Variants in FAT2 observed in about 807,000 individuals in gnomAD.
FAT2 encodes protocadherin Fat 2.
Under a neutral mutation model 295.3 loss-of-function variants are expected in FAT2, and 150 were observed. The observed-to-expected ratio is 0.51, with a 90% CI of 0.44 to 0.58. The LOEUF (loss-of-function observed/expected upper bound fraction) is 0.58. FAT2 is among the 20% of genes least tolerant of loss of function. FAT2 has a pLI of 0.00. For synonymous variants in FAT2, 2,026 were observed against 2,150.3 expected (o/e 0.94, Z 1.60); for missense variants, 4,868 against 5,442.7 (o/e 0.89, Z 3.32).
intron 1 of FAT2, among the ~76,000 whole-genome samples, chr5:151,573,220 T>C (rs1040909499): frequency 6.6e-6 from 1 of 152,244 alleles, no homozygotes; most frequent in Non-Finnish European, 1.5e-5. Context: ...TCCCTACTTC[T>C]GCAGGTCGTT....
upstream of FAT2, among the ~76,000 whole-genome samples, chr5:151,592,144 T>C (rs1292918379): frequency 6.6e-6 from 1 of 152,240 alleles, no homozygotes; most frequent in South Asian, 2.1e-4. Context: ...GAGGTGCCTC[T>C]CTGTTCTGGC....
Position 151,545,541 on chromosome 5 carries a change from G to A in FAT2, c.5586C>T (p.Val1862=), listed in dbSNP as rs1470614301. 6.2e-7 allele frequency: 1 copy of A among 1,614,148 alleles called. No homozygotes were observed. The highest frequency in any genetic ancestry group is 1.1e-5 in the South Asian group (1 of 91,080). The change falls in exon 10 of 24, where the codon GTC becomes GTT. Residue 1862 remains valine (V), a synonymous_variant. Transcript: ENST00000261800. ...TGGGAGGGGAATCATTCACATCTCT[G>A]ACATGAATGATGACTTGGGCAGGTC... The part of the protein sequence containing the change: ...APRPAQVIIH[V]RDVNDSPPRF...
rs772630017 is a variant in FAT2, at chr5:151,563,645, G to T, written c.3260-6C>A. The T allele has an allele frequency of 1.2e-6, 2 of 1,609,448 alleles. No individual in the cohort carries two copies. Among genetic ancestry groups the T allele is most frequent in the Non-Finnish European group, 1.7e-6 (2 of 1,178,784 alleles). ...TGCCAGAGTCTGAATCATTCCTAGGGACAGTAAGTCAGCAAACCCAAAATA... is the reference window on the plus strand; with the variant it reads ...TGCCAGAGTCTGAATCATTCCTAGGTACAGTAAGTCAGCAAACCCAAAATA... On this transcript the variant is annotated splice_region_variant and splice_polypyrimidine_tract_variant and intron_variant, in intron 2 of 23. Coordinates refer to ENST00000261800, the MANE Select transcript of FAT2 (RefSeq NM_001447.3).
chr5:151,518,348 CTAA>C (rs3056491), intron 19 of FAT2, among the ~76,000 whole-genome samples: 14 of 101,460 alleles, frequency 1.4e-4, no homozygotes, highest in South Asian at 1.2e-3. Context: ...GACCATGTCT[CTAA>C]TAATAATAAT....
At chr5:151,508,696 T>C (rs1429624155) in intron 22 of FAT2, among the ~76,000 whole-genome samples, 1 of 143,352 alleles carries the variant, frequency 7.0e-6, no homozygotes, top group Non-Finnish European at 1.5e-5. Context: ...GGCGACAGAG[T>C]GAAACTCCTT....
In FAT2 at chr5:151,565,666, C is replaced by CAAA; in HGVS notation, c.3259+6_3259+7insTTT. On this transcript the variant is annotated splice_region_variant and intron_variant, in intron 2 of 23. Transcript: ENST00000261800. ...CCTGGCACCCCACCCTACCCCACCC[C>CAAA]CAGTACCTGTATCTTGGTTGATGCT... is the stretch of plus-strand genomic sequence containing the variant. 6.3e-7 allele frequency: 1 copy of CAAA among 1,576,986 alleles called. No individual in the cohort carries two copies.
In FAT2 at chr5:151,544,251, G is replaced by T. The variant is rs1170781075; in HGVS notation, c.6876C>A (p.Ile2292=). ...AGTCCTGGTCAGAAGCCAACAGTTG[G>T]ATCACAGGGGTCTGAGCAGGCAAGC... The part of the protein sequence containing the change: ...SEGLPAQTPV[I]QLLASDQDSG... Residue 2292 remains isoleucine, a synonymous_variant, in exon 10 of 24, where the codon ATC becomes ATA. Transcript: ENST00000261800. The T allele has an allele frequency of 1.2e-6, 2 of 1,614,116 alleles. No individual in the cohort carries two copies. The highest frequency in any genetic ancestry group is 2.7e-5 in the African/African-American group (2 of 74,936).
rs2127618732 is a variant in FAT2, at chr5:151,549,277, C to G, written c.4789+18G>C. 1 of 1,610,632 alleles carries G rather than the reference C, an allele frequency of 6.2e-7. No individual in the cohort carries two copies. Among genetic ancestry groups the G allele is most frequent in the Non-Finnish European group, 8.5e-7 (1 of 1,178,882 alleles). On this transcript the variant is annotated intron_variant, in intron 9 of 23. Transcript: ENST00000261800. ...AGCATCTTGACCCATCCTCTGAGCTCATGGCCAGGCCTCTCACCTTTCAGG... is the reference window on the plus strand; with the variant it reads ...AGCATCTTGACCCATCCTCTGAGCTGATGGCCAGGCCTCTCACCTTTCAGG...
intron 1 of FAT2, among the ~76,000 whole-genome samples, chr5:151,580,074 A>G (rs936420916): frequency 7.9e-5 from 12 of 152,216 alleles, no homozygotes; most frequent in Admixed American, 5.9e-4. Context: ...TCCCAGAAAA[A>G]GGAAGGGGTC....
At chr5:151,565,314 A>G (rs1758196938) in intron 2 of FAT2, among the ~76,000 whole-genome samples, 1 of 152,072 alleles carries the variant, frequency 6.6e-6, no homozygotes, top group African/African-American at 2.4e-5. Flanking sequence ...CAAAGAAAGA[A>G]ACTTTAGAAG....
chr5:151,565,647 A>ACGGCCC, intron 2 of FAT2, 26 bp downstream of exon 2: 72 of 1,460,972 alleles, frequency 4.9e-5, no homozygotes, highest in Non-Finnish European at 5.3e-5. Flanking sequence ...TGGCCCTGGC[A>ACGGCCC]CCCCACCCTA....
In FAT2 at chr5:151,563,379, A is replaced by C. The variant is rs1332995520; in HGVS notation, c.3520T>G (p.Phe1174Val). Residue 1174 changes from phenylalanine to valine, a missense_variant, in exon 3 of 24, where the codon TTC becomes GTC. By Grantham distance (50) the Phe-to-Val change is conservative (BLOSUM62 -1). Coordinates refer to ENST00000261800, the MANE Select transcript of FAT2 (RefSeq NM_001447.3). ...ATGTAGTTCCCACTGGTGATGTTGA[A>C]GGTCAGCTTCCCTTTGGAGCTGGAG... ...PDSSSKGKLT[F>V]NITSGNYMGF... is the part of the protein sequence containing the mutation. 1 of 1,614,198 alleles carries C rather than the reference A, an allele frequency of 6.2e-7. No homozygotes were observed. Among genetic ancestry groups the C allele is most frequent in the Admixed American group, 1.7e-5 (1 of 60,024 alleles).
chr5:151,592,614 T>C (rs1317544047), upstream of FAT2, among the ~76,000 whole-genome samples: 2 of 152,340 alleles, frequency 1.3e-5, no homozygotes, highest in East Asian at 3.9e-4. Flanking sequence ...TAAGAATTAT[T>C]CATACCGTTG....
In FAT2 at chr5:151,549,349, C is replaced by T. The variant is rs768444745; in HGVS notation, c.4735G>A (p.Ala1579Thr). Residue 1579 changes from alanine to threonine, a missense_variant, in exon 9 of 24, where the codon GCC becomes ACC. Physicochemically the swap from Ala to Thr is moderately conservative, Grantham distance 58 (BLOSUM62 0). Transcript: ENST00000261800. Reference sequence around the variant, plus strand: ...TTGACTCCCCGGTCAGCATCCATGGCTCGGACCTGCAGCAGCTCTGTGCCG... The same window carrying T: ...TTGACTCCCCGGTCAGCATCCATGGTTCGGACCTGCAGCAGCTCTGTGCCG... ...APGTELLQVRAMDADRGVNAE... is the reference protein window; with the variant it reads ...APGTELLQVRTMDADRGVNAE... 2 of 1,613,924 alleles carry T rather than the reference C, an allele frequency of 1.2e-6. No homozygotes were observed. The highest frequency in any genetic ancestry group is 1.7e-5 in the Admixed American group (1 of 60,014).
Position 151,545,895 on chromosome 5 carries a change from C to T in FAT2, c.5232G>A (p.Val1744=), listed in dbSNP as rs750728002. ...CATTTTCATCAATTATGTCAACCAC[C>T]ACCATGACATCAGTAAATGCACCTG... ...NMAGAFTDVM[V]VVDIIDENDN... The change falls in exon 10 of 24, where the codon GTG becomes GTA. Residue 1744 remains valine (V), a synonymous_variant. Transcript: ENST00000261800. 6.2e-7 allele frequency: 1 copy of T among 1,614,046 alleles called. No individual in the cohort carries two copies. Among genetic ancestry groups the T allele is most frequent in the Non-Finnish European group, 8.5e-7 (1 of 1,180,036 alleles).
At chr5:151,519,513 C>T (rs1753225132) in intron 19 of FAT2, among the ~76,000 whole-genome samples, 1 of 152,098 alleles carries the variant, frequency 6.6e-6, no homozygotes, top group Admixed American at 6.5e-5. Context: ...ATCCTAAGTT[C>T]TCTCGGAGAA....
At chr5:151,573,492 A>G (rs1218094115) in intron 1 of FAT2, among the ~76,000 whole-genome samples, 1 of 152,052 alleles carries the variant, frequency 6.6e-6, no homozygotes, top group Non-Finnish European at 1.5e-5. Flanking sequence ...CGTCTCTACT[A>G]AAAATACAAA....
chr5:151,546,814 G>T (rs561192945), intron 9 of FAT2, among the ~76,000 whole-genome samples: 1 of 152,034 alleles, frequency 6.6e-6, no homozygotes, highest in East Asian at 1.9e-4. Flanking sequence ...AAACTCCTGG[G>T]CTCAAGCGGT....
At chr5:151,508,162 T>C (rs1581265109) in intron 22 of FAT2, among the ~76,000 whole-genome samples, 1 of 152,356 alleles carries the variant, frequency 6.6e-6, no homozygotes, top group East Asian at 1.9e-4. Flanking sequence ...GGGAAACTTC[T>C]GTGGCCAGCT....
Sources: gnomAD v4.1 joint callset for allele counts (sites outside exome capture counted in the v4.1 genomes callset) on GRCh38, gnomAD v4.1.1 for gene constraint, MANE v1.5 for transcripts, NCBI Gene and HGNC (gene_info 2026-07-23, HGNC 2026-07-21) for gene names.